The following PWWP3A variants were observed in gnomAD, a reference collection of about 807,000 sequenced individuals.
PWWP3A encodes PWWP domain-containing DNA repair factor 3A.
A neutral mutation model predicts 79.0 loss-of-function variants in PWWP3A; 53 were observed. The ratio of observed to expected loss-of-function variants is 0.67; its 90% CI spans 0.54 to 0.84. The LOEUF is 0.84. Ranked by LOEUF, PWWP3A falls within the 40% of genes least tolerant of loss-of-function variation. PWWP3A has a pLI of 0.00. For synonymous variants in PWWP3A, 443 were observed against 394.4 expected, an observed-to-expected ratio of 1.12 and a Z score of -1.46; for missense variants, 973 against 948.0, an observed-to-expected ratio of 1.03 and a Z score of -0.35.
At chr19:1,370,578 G>T in intron 11 of PWWP3A, 64 bp from the exon 12 acceptor site, 1 of 1,402,816 alleles carries the variant, frequency 7.1e-7, no homozygotes, top group South Asian at 1.6e-5. Context: ...CATCGGCCCT[G>T]ACCCACAGCC....
chr19:1,361,819 C>T (rs190001022), intron 5 of PWWP3A: 220 of 170,842 alleles, frequency 1.3e-3, no homozygotes, highest in African/African-American at 4.9e-3. Flanking sequence ...AGTCAGCTCC[C>T]GTCCTGGCCC....
intron 12 of PWWP3A, 192 bp downstream of exon 12, chr19:1,371,270 C>T (rs1321673213): frequency 2.4e-5 from 18 of 749,404 alleles, no homozygotes; most frequent in African/African-American, 1.9e-4. Flanking sequence ...TGACCCTGTG[C>T]GGAGACGGAG....
rs753460858 is a variant in PWWP3A at position 1,373,177 on chromosome 19, G to T, written c.2075+17G>T. 6.2e-7 allele frequency: 1 copy of T among 1,607,288 alleles called. No homozygotes were observed. The stretch of plus-strand genomic sequence containing the variant: ...GAGCTACCGGTAGGCCGCTCCCGGC[G>T]CTATCTCCAGCCACTTGCGTCTCTG... On this transcript the variant is annotated intron_variant, in intron 13 of 13. Transcript: ENST00000591337.
intron 5 of PWWP3A, among the ~76,000 whole-genome samples, chr19:1,361,471 C>G (rs1307887423): frequency 1.3e-5 from 2 of 152,226 alleles, no homozygotes; most frequent in African/African-American, 2.4e-5. Context: ...TAAAGAATTC[C>G]TGTGCAGATA....
intron 1 of PWWP3A, 125 bp from the exon 2 acceptor site, chr19:1,356,198 GC>G: frequency 1.9e-6 from 1 of 530,996 alleles, no homozygotes; most frequent in Non-Finnish European, 3.5e-6. Flanking sequence ...GCATCTCAAT[GC>G]AAGATTGTGG....
In PWWP3A at chr19:1,366,485, G is replaced by T. The variant is rs1300877154; in HGVS notation, c.1361+104G>T. The T allele has an allele frequency of 9.4e-6, 10 of 1,064,756 alleles. No homozygotes were observed. The Admixed American group carries it at 1.2e-4, about 13-fold the overall frequency. 66.0% of individuals were successfully genotyped at this position (1,064,756 alleles called of 1,614,324 possible). On this transcript the variant is annotated intron_variant, in intron 8 of 13. Coordinates refer to ENST00000591337, the MANE Select transcript of PWWP3A (RefSeq NM_001369789.1). ...GATGGAGGGACAGAGGGGAGGCCCC[G>T]GCAGGAGTCCAGGCCCGGGCAGGGC...
In PWWP3A at chr19:1,360,693, G is replaced by A. The variant is rs200013279; in HGVS notation, c.772G>A (p.Gly258Arg). Residue 258 changes from glycine (G) to arginine (R), a missense_variant, in exon 5 of 14, where the codon GGG becomes AGG. Coordinates refer to ENST00000591337, the MANE Select transcript of PWWP3A (RefSeq NM_001369789.1). The surrounding 1 kb of genome is among the most constrained non-coding windows in gnomAD (Gnocchi z 4.4). ...CTGGGCAGCCCCGTCCTTGCCCTCC[G>A]GGGTCAGGGAGGACGATCCCTGTGC... is the stretch of plus-strand genomic sequence containing the variant. ...GSWAAPSLPS[G>R]VREDDPCANA... 2.5e-4 allele frequency: 411 copies of A among 1,613,364 alleles called. 2 individuals are homozygous for A. The East Asian group carries it at 8.7e-3, about 34-fold the overall frequency.
Position 1,369,153 on chromosome 19 carries a change from G to A in PWWP3A, c.1423-112G>A. On this transcript the variant is annotated intron_variant, in intron 9 of 13. Transcript: ENST00000591337. This position sits in a 1 kb window ranked among gnomAD's most constrained non-coding sequence, Gnocchi z 4.0. ...TCAGGGAGGGTCAGAGGTGCGGGCTGGAGCGTGAGCAGCCTGGACACCTGG... is the reference window on the plus strand; with the variant it reads ...TCAGGGAGGGTCAGAGGTGCGGGCTAGAGCGTGAGCAGCCTGGACACCTGG... The A allele has an allele frequency of 1.1e-6, 1 of 918,760 alleles. No homozygotes were observed. The highest frequency in any genetic ancestry group is 1.4e-5 in the South Asian group (1 of 69,010). 56.9% of individuals were successfully genotyped at this position (918,760 alleles called of 1,614,324 possible).
Position 1,356,251 on chromosome 19 carries a change from C to T in PWWP3A, c.-69-73C>T, listed in dbSNP as rs2081861871. The T allele has an allele frequency of 3.9e-6, 3 of 771,556 alleles. No individual in the cohort carries two copies. In the South Asian group the frequency reaches 4.4e-5, roughly 11 times the overall value. 47.8% of individuals were successfully genotyped at this position (771,556 alleles called of 1,614,324 possible). On this transcript the variant is annotated intron_variant, in intron 1 of 13. Coordinates refer to ENST00000591337, the MANE Select transcript of PWWP3A (RefSeq NM_001369789.1). The stretch of plus-strand genomic sequence containing the variant: ...TGAGGCTAAGTCGAGCTAACCTTTG[C>T]CCCTGAGGGCTGTGTCTGCGTTAAC...
At position 1,361,015 on chromosome 19, in the gene PWWP3A, C is replaced by G; in HGVS notation, c.1094C>G (p.Ser365Cys). 3 of 1,428,806 alleles carry G rather than the reference C, an allele frequency of 2.1e-6. No homozygotes were observed. The allele number at this position is 1,428,806 out of a possible 1,614,324, so 88.5% of individuals were successfully genotyped here. ...ACCAGATGTCTTCCTTGCCCGGATT[C>G]CCAGAAGCTGGAGAAAGGTAAAAGT... ...DATRCLPCPD[S>C]QKLEKECQSS... The change falls in exon 5 of 14, where the codon TCC becomes TGC. Residue 365 changes from serine (S) to cysteine (C), a missense_variant. Coordinates refer to ENST00000591337, the MANE Select transcript of PWWP3A (RefSeq NM_001369789.1).
chr19:1,376,217 C>A (rs1431009509), intron 13 of PWWP3A, among the ~76,000 whole-genome samples: 1 of 150,252 alleles, frequency 6.7e-6, no homozygotes, highest in Non-Finnish European at 1.5e-5. Flanking sequence ...GCACCACCTC[C>A]CGGTTTCAAG....
chr19:1,377,530 T>G lies in PWWP3A; in HGVS notation c.*954T>G, dbSNP rs1600138266. ...CCGTCTGGAGAAGCGGCTTCCGGGGTGTGGCTGCCGGGTCGGCTCTGGTCC... is the reference window on the plus strand; with the variant it reads ...CCGTCTGGAGAAGCGGCTTCCGGGGGGTGGCTGCCGGGTCGGCTCTGGTCC... On this transcript the variant is annotated 3_prime_UTR_variant, in exon 14 of 14. Coordinates refer to ENST00000591337, the MANE Select transcript of PWWP3A (RefSeq NM_001369789.1). 1 of 152,288 alleles carries G rather than the reference T, an allele frequency of 6.6e-6. No homozygotes were observed. Among genetic ancestry groups the G allele is most frequent in the Non-Finnish European group, 1.5e-5 (1 of 68,172 alleles). The allele number at this position is 152,288 out of a possible 1,614,324, so 9.4% of individuals were successfully genotyped here.
rs149279450 is a variant in PWWP3A at position 1,362,695 on chromosome 19, C to T, written c.1213+344C>T. Among the ~76,000 whole-genome samples the T allele has an allele frequency of 2.0e-3, 306 of 152,314 alleles. 4 individuals carry two copies. Among genetic ancestry groups the T allele is most frequent in the Non-Finnish European group, 3.9e-3 (265 of 68,026 alleles). On this transcript the variant is annotated intron_variant, in intron 6 of 13. Transcript: ENST00000591337. ...GCCGAGGGGCTGCGTCGCCATTGCT[C>T]GGGTGTGGCCACGTACTGTCTCGCG...
rs763629820 is a variant in PWWP3A, at chr19:1,360,756, A to G, written c.835A>G (p.Ser279Gly). The change falls in exon 5 of 14, where the codon AGC (serine) becomes GGC (glycine). Residue 279 changes from serine (S) to glycine (G), a missense_variant. Transcript: ENST00000591337. The surrounding 1 kb of genome is among the most constrained non-coding windows in gnomAD (Gnocchi z 4.4). The stretch of plus-strand genomic sequence containing the variant: ...ACACGACCCCGGTCTGCCGTTGGGC[A>G]GCCTCACTGCGCCCCCAGCCCCTGA... ...EGHDPGLPLG[S>G]LTAPPAPEPS... 16 of 1,611,984 alleles carry G rather than the reference A, an allele frequency of 9.9e-6. No individual in the cohort carries two copies. The East Asian group carries it at 1.1e-4, about 11-fold the overall frequency.
At chr19:1,364,951 T>C (rs1288264829) in intron 7 of PWWP3A, among the ~76,000 whole-genome samples, 1 of 152,078 alleles carries the variant, frequency 6.6e-6, no homozygotes, top group Non-Finnish European at 1.5e-5. Flanking sequence ...AAACCCTGAC[T>C]CTACTAAAAA....
At position 1,360,967 on chromosome 19, in the gene PWWP3A, C is replaced by T. The variant is rs772709632; in HGVS notation, c.1046C>T (p.Pro349Leu). 79 of 1,464,700 alleles carry T rather than the reference C, an allele frequency of 5.4e-5. No individual in the cohort carries two copies. The South Asian group carries it at 9.2e-4, about 17-fold the overall frequency. The allele number at this position is 1,464,700 out of a possible 1,614,324, so 90.7% of individuals were successfully genotyped here. The change falls in exon 5 of 14, where the codon CCC (proline) becomes CTC (leucine). Residue 349 changes from proline to leucine, a missense_variant. Pro to Leu is a moderately conservative substitution (Grantham distance 98). Coordinates refer to ENST00000591337, the MANE Select transcript of PWWP3A (RefSeq NM_001369789.1). The surrounding 1 kb of genome is among the most constrained non-coding windows in gnomAD (Gnocchi z 4.4). The part of the protein sequence containing the change: ...PRSTARLGPP[P>L]SHASADATRC... ...AGCACCGCCAGGCTGGGCCCGCCTC[C>T]CTCCCACGCCTCTGCGGATGCAACC...
rs964619924 is a variant in PWWP3A at position 1,377,384 on chromosome 19, T to C, written c.*808T>C. On this transcript the variant is annotated 3_prime_UTR_variant, in exon 14 of 14. Transcript: ENST00000591337. ...ATCGGCGCGGATGGCTATGCTGGGG[T>C]CCCAGGGTGGCCGCAGCAGTCAGGG... 3 of 152,444 alleles carry C rather than the reference T, an allele frequency of 2.0e-5. No homozygotes were observed. Among genetic ancestry groups the C allele is most frequent in the South Asian group, 2.1e-4 (1 of 4,834 alleles). 9.4% of individuals were successfully genotyped at this position (152,444 alleles called of 1,614,324 possible). A position where few individuals can be genotyped will look rare whatever the true frequency, so the allele number is the denominator to read the frequency against.
intron 9 of PWWP3A, among the ~76,000 whole-genome samples, chr19:1,367,849 C>G (rs2082162276): frequency 6.6e-6 from 1 of 152,206 alleles, no homozygotes. Flanking sequence ...CACGTCAACT[C>G]AGTGCAGTTA....
chr19:1,376,289 C>CTGTT (rs1428964371), intron 13 of PWWP3A, among the ~76,000 whole-genome samples: 3 of 81,232 alleles, frequency 3.7e-5, no homozygotes, highest in Non-Finnish European at 7.2e-5. Context: ...CCACGCCCGG[C>CTGTT]TGTTTGTTTT....
Sources: allele counts gnomAD v4.1 joint callset (sites outside exome capture counted in the v4.1 genomes callset), GRCh38; gene constraint gnomAD v4.1.1; non-coding constraint Gnocchi (gnomAD v3.1); transcripts MANE v1.5; gene names NCBI Gene and HGNC (gene_info 2026-07-23, HGNC 2026-07-21).